Variants in NKAIN2 observed in about 807,000 individuals in gnomAD.
The protein encoded by NKAIN2 is sodium/potassium transporting ATPase interacting 2, also known as sodium/potassium-transporting ATPase subunit beta-1-interacting protein 2.
Under a neutral mutation model 32.6 loss-of-function variants are expected in NKAIN2, and 14 were observed. The ratio of observed to expected loss-of-function variants is 0.43; its 90% CI spans 0.28 to 0.67. The LOEUF is 0.67. Ranked by LOEUF, NKAIN2 falls within the 30% of genes least tolerant of loss-of-function variation. The pLI, the probability that NKAIN2 is intolerant of heterozygous loss-of-function variation, is 0.17. For missense variants in NKAIN2, 198 were observed against 258.3 expected (o/e 0.77, Z 1.60); for synonymous variants, 80 against 87.2 (o/e 0.92, Z 0.46).
chr6:123,935,858 G>T (rs1223866779), intron 1 of NKAIN2, among the ~76,000 whole-genome samples: 5 of 151,846 alleles, frequency 3.3e-5, no homozygotes, highest in African/African-American at 7.3e-5. Context: ...TTTTTCTTAG[G>T]CATTTAAGGA....
At chr6:123,853,644 G>A (rs1460403934) in intron 1 of NKAIN2, among the ~76,000 whole-genome samples, 1 of 151,918 alleles carries the variant, frequency 6.6e-6, no homozygotes, top group African/African-American at 2.4e-5. Context: ...ATATTCAGGA[G>A]GAATATTCAG....
At chr6:124,076,953 A>C (rs1480244052) in intron 1 of NKAIN2, among the ~76,000 whole-genome samples, 1 of 152,224 alleles carries the variant, frequency 6.6e-6, no homozygotes, top group African/African-American at 2.4e-5. Flanking sequence ...GTATTTAATG[A>C]AGTAAATTTA....
chr6:124,641,763 G>A lies in NKAIN2; in HGVS notation c.274-16423G>A, dbSNP rs111414154. Among the ~76,000 whole-genome samples the A allele has an allele frequency of 6.3e-3, 961 of 151,528 alleles. 14 individuals are homozygous for A. The highest frequency in any genetic ancestry group is 0.022 in the African/African-American group (921 of 41,338). ...TTAGTAGAGATGGGATTTCACCACT[G>A]TGGCCAGGCTGGTCTCAAACTCCCA... On this transcript the variant is annotated intron_variant, in intron 3 of 6. Transcript: ENST00000368417.
Position 124,379,015 on chromosome 6 carries a change from C to T in NKAIN2, c.273+23668C>T, listed in dbSNP as rs11486663. On this transcript the variant is annotated intron_variant, in intron 3 of 6. Coordinates refer to ENST00000368417, the MANE Select transcript of NKAIN2 (RefSeq NM_001040214.3). The stretch of plus-strand genomic sequence containing the variant: ...GCTGCTGTGGGAGGATGACCTGGGC[C>T]CAGGAGTTTGAGGTTGCAGTGAGCC... 4.1e-3 allele frequency among the ~76,000 whole-genome samples: 611 copies of T among 147,976 alleles called. 3 individuals are homozygous for T. The highest frequency in any genetic ancestry group is 0.014 in the African/African-American group (578 of 39,916).
chr6:124,354,941 G>A (rs986688267), intron 2 of NKAIN2, among the ~76,000 whole-genome samples: 15 of 150,748 alleles, frequency 1.0e-4, no homozygotes, highest in African/African-American at 2.2e-4. Flanking sequence ...GTGGTGGTGC[G>A]CACCTGTAGT....
chr6:124,291,065 G>A (rs1795792373), intron 2 of NKAIN2, among the ~76,000 whole-genome samples: 1 of 152,058 alleles, frequency 6.6e-6, no homozygotes, highest in Non-Finnish European at 1.5e-5. Context: ...GCATGTTTGT[G>A]AGAGAAACTT....
At chr6:124,364,652 A>G (rs1427710619) in intron 3 of NKAIN2, among the ~76,000 whole-genome samples, 2 of 151,998 alleles carry the variant, frequency 1.3e-5, no homozygotes, top group African/African-American at 4.8e-5. Flanking sequence ...TTCTTCAACA[A>G]TTAAGATGAA....
chr6:124,789,671 A>T (rs1288249199), intron 4 of NKAIN2, among the ~76,000 whole-genome samples: 2 of 151,994 alleles, frequency 1.3e-5, no homozygotes, highest in Non-Finnish European at 2.9e-5. Flanking sequence ...CCAAACAGGA[A>T]AATAGGAGAC....
intron 1 of NKAIN2, among the ~76,000 whole-genome samples, chr6:123,934,770 G>C (rs933112030): frequency 6.6e-6 from 1 of 152,044 alleles, no homozygotes; most frequent in Admixed American, 6.6e-5. Context: ...CACCGTGACA[G>C]TGCTTTTAAA....
At chr6:123,989,257 C>T (rs1424717998) in intron 1 of NKAIN2, among the ~76,000 whole-genome samples, 4 of 152,114 alleles carry the variant, frequency 2.6e-5, no homozygotes, top group Non-Finnish European at 5.9e-5. Context: ...GTTTACAATT[C>T]TCTACTTTAA....
chr6:124,723,826 T>C (rs1412825099), intron 4 of NKAIN2, among the ~76,000 whole-genome samples: 1 of 152,246 alleles, frequency 6.6e-6, no homozygotes, highest in Non-Finnish European at 1.5e-5. Flanking sequence ...TATAAAATCA[T>C]GTATAAGCAG....
At chr6:124,349,588 A>T (rs1340866700) in intron 2 of NKAIN2, among the ~76,000 whole-genome samples, 1 of 152,174 alleles carries the variant, frequency 6.6e-6, no homozygotes, top group African/African-American at 2.4e-5. Flanking sequence ...CTTCTGTTGC[A>T]GTCACTTGCA....
At chr6:124,808,588 C>T (rs1343007830) in intron 5 of NKAIN2, among the ~76,000 whole-genome samples, 1 of 152,182 alleles carries the variant, frequency 6.6e-6, no homozygotes, top group Non-Finnish European at 1.5e-5. Flanking sequence ...CAGGGATGCC[C>T]TCTCTCACCA....
At chr6:123,873,141 A>C (rs762683798) in intron 1 of NKAIN2, among the ~76,000 whole-genome samples, 6 of 152,170 alleles carry the variant, frequency 3.9e-5, no homozygotes, top group Non-Finnish European at 8.8e-5. Flanking sequence ...CTGTAAAGAA[A>C]ACAAAATGGA....
intron 4 of NKAIN2, among the ~76,000 whole-genome samples, chr6:124,728,089 A>G (rs1776429418): frequency 6.7e-6 from 1 of 149,932 alleles, no homozygotes; most frequent in Non-Finnish European, 1.5e-5. Flanking sequence ...AGAGACTTAG[A>G]CTCCCACACA....
At chr6:124,376,761 A>T (rs1800011026) in intron 3 of NKAIN2, among the ~76,000 whole-genome samples, 3 of 152,124 alleles carry the variant, frequency 2.0e-5, no homozygotes, top group Non-Finnish European at 2.9e-5. Flanking sequence ...TCTCTACTAT[A>T]AATATCATTT....
chr6:124,298,399 ACTTG>A (rs1381119870), intron 2 of NKAIN2, among the ~76,000 whole-genome samples: 1 of 152,136 alleles, frequency 6.6e-6, no homozygotes, highest in East Asian at 1.9e-4. Context: ...TTCAAACCTT[ACTTG>A]TTGTCATGAT....
At chr6:124,556,084 T>C (rs1780463586) in intron 3 of NKAIN2, among the ~76,000 whole-genome samples, 1 of 13,726 alleles carries the variant, frequency 7.3e-5, no homozygotes, top group South Asian at 6.8e-3. Flanking sequence ...GAGTTTGCTA[T>C]GCAAAAAAAA....
intron 3 of NKAIN2, among the ~76,000 whole-genome samples, chr6:124,408,988 G>A (rs1473098355): frequency 6.6e-6 from 1 of 150,968 alleles, no homozygotes; most frequent in African/African-American, 2.4e-5. Flanking sequence ...TCATGATTTG[G>A]CTGTTTGTCT....
Sources: allele counts gnomAD v4.1 joint callset (sites outside exome capture counted in the v4.1 genomes callset), GRCh38; gene constraint gnomAD v4.1.1; transcripts MANE v1.5; gene names NCBI Gene and HGNC (gene_info 2026-07-23, HGNC 2026-07-21).